The following TMEM95 variants were observed in gnomAD, a reference collection of about 807,000 sequenced individuals.
TMEM95 encodes the protein sperm-egg fusion protein TMEM95.
Under a neutral mutation model 27.7 loss-of-function variants are expected in TMEM95, and 21 were observed. That is an observed-to-expected ratio of 0.76 (90% confidence interval 0.54 to 1.09). The LOEUF (loss-of-function observed/expected upper bound fraction) is 1.09, where lower values mean the gene tolerates loss of function less well. Among genes scored for constraint, TMEM95 ranks in the 50% least tolerant of loss-of-function variants. TMEM95 has a pLI of 0.00. For synonymous variants in TMEM95, 77 were observed against 85.7 expected, an observed-to-expected ratio of 0.90 and a Z score of 0.56; for missense variants, 203 against 217.9, an observed-to-expected ratio of 0.93 and a Z score of 0.43.
Position 7,355,423 on chromosome 17 carries a change from C to A in TMEM95, c.169+50C>A, listed in dbSNP as rs780153689. On this transcript the variant is annotated intron_variant, in intron 1 of 6. Transcript: ENST00000576060. The surrounding 1 kb of genome is among the most constrained non-coding windows in gnomAD (Gnocchi z 4.9). ...GCCCAGCAAGCACTCACCCCCCTACCCCCAGAGGGTGGCATGTGACCTTCC... is the reference window on the plus strand; with the variant it reads ...GCCCAGCAAGCACTCACCCCCCTACACCCAGAGGGTGGCATGTGACCTTCC... The A allele has an allele frequency of 1.3e-6, 2 of 1,581,942 alleles. No homozygotes were observed. Among genetic ancestry groups the A allele is most frequent in the Non-Finnish European group, 1.7e-6 (2 of 1,160,992 alleles).
rs772613190 is a variant in TMEM95, at chr17:7,355,923, C to G, written c.307+5C>G. The G allele has an allele frequency of 1.9e-6, 3 of 1,613,900 alleles. No homozygotes were observed. Among genetic ancestry groups the G allele is most frequent in the African/African-American group, 2.7e-5 (2 of 74,882 alleles). ...TCCCTGAGTACACCAGGGAAGGTACCGATGCGGGATGGGCCTCAAGGGGAG... is the reference window on the plus strand; with the variant it reads ...TCCCTGAGTACACCAGGGAAGGTACGGATGCGGGATGGGCCTCAAGGGGAG... On this transcript the variant is annotated splice_donor_5th_base_variant and intron_variant, in intron 3 of 6. Transcript: ENST00000576060. This position sits in a 1 kb window ranked among gnomAD's most constrained non-coding sequence, Gnocchi z 4.9.
Position 7,356,066 on chromosome 17 carries a change from A to AG in TMEM95, c.328+21dup. The AG allele has an allele frequency of 6.2e-7, 1 of 1,613,986 alleles. No individual in the cohort carries two copies. Among genetic ancestry groups the AG allele is most frequent in the Non-Finnish European group, 8.5e-7 (1 of 1,179,922 alleles). On this transcript the variant is annotated intron_variant, in intron 4 of 6. Transcript: ENST00000576060. ...CCGCCTGCCGTGAGTAGGAAAGGAAAGGGGTAGCAAGGACCTGGGGCCTGC... is the reference window on the plus strand; with the variant it reads ...CCGCCTGCCGTGAGTAGGAAAGGAAAGGGGGTAGCAAGGACCTGGGGCCTGC...
In TMEM95 at chr17:7,356,549, T is replaced by A. The variant is rs370757541; in HGVS notation, c.498-50T>A. On this transcript the variant is annotated intron_variant, in intron 6 of 6. Transcript: ENST00000576060. ...TTCCACCACCCATCCTCCCTCCCTCTGTCCCTCCCAGGCCCCTCCCGTAGG... is the reference window on the plus strand; with the variant it reads ...TTCCACCACCCATCCTCCCTCCCTCAGTCCCTCCCAGGCCCCTCCCGTAGG... The A allele has an allele frequency of 2.5e-6, 4 of 1,611,234 alleles. No homozygotes were observed. In the African/African-American group the frequency reaches 5.3e-5, roughly 22 times the overall value.
Position 7,355,426 on chromosome 17 carries a change from C to G in TMEM95, c.169+53C>G. The G allele has an allele frequency of 6.3e-7, 1 of 1,579,014 alleles. No homozygotes were observed. Among genetic ancestry groups the G allele is most frequent in the Non-Finnish European group, 8.6e-7 (1 of 1,159,620 alleles). On this transcript the variant is annotated intron_variant, in intron 1 of 6. Transcript: ENST00000576060. The surrounding 1 kb of genome is among the most constrained non-coding windows in gnomAD (Gnocchi z 4.9). ...CAGCAAGCACTCACCCCCCTACCCC[C>G]AGAGGGTGGCATGTGACCTTCCAGC... is the stretch of plus-strand genomic sequence containing the variant.
chr17:7,356,975 A>C lies in TMEM95; in HGVS notation c.*343A>C. ...GAATCCCCTACGCCACTCCCACCAC[A>C]CCCACACCCCCTTCTGCCTGTTCCG... On this transcript the variant is annotated 3_prime_UTR_variant, in exon 7 of 7. Transcript: ENST00000576060. 5.4e-6 allele frequency: 2 copies of C among 369,606 alleles called. No individual in the cohort carries two copies. Among genetic ancestry groups the C allele is most frequent in the Non-Finnish European group, 9.7e-6 (2 of 205,692 alleles). 22.9% of individuals were successfully genotyped at this position (369,606 alleles called of 1,614,324 possible).
At position 7,357,042 on chromosome 17, in the gene TMEM95, C is replaced by T; in HGVS notation, c.*410C>T. The T allele has an allele frequency of 4.0e-6, 1 of 247,386 alleles. No homozygotes were observed. Among genetic ancestry groups the T allele is most frequent in the Non-Finnish European group, 7.8e-6 (1 of 129,012 alleles). 15.3% of individuals were successfully genotyped at this position (247,386 alleles called of 1,614,324 possible). A position where few individuals can be genotyped will look rare whatever the true frequency, so the allele number is the denominator to read the frequency against. On this transcript the variant is annotated 3_prime_UTR_variant, in exon 7 of 7. Coordinates refer to ENST00000576060, the MANE Select transcript of TMEM95 (RefSeq NM_001320436.2). ...TGCCCCAGAAGCTATTCCAGGCCCT[C>T]CTATGACTGATGGGGAATCCGGGAA... is the stretch of plus-strand genomic sequence containing the variant.
chr17:7,355,924 G>T lies in TMEM95; in HGVS notation c.307+6G>T, dbSNP rs780572945. The stretch of plus-strand genomic sequence containing the variant: ...CCCTGAGTACACCAGGGAAGGTACC[G>T]ATGCGGGATGGGCCTCAAGGGGAGC... On this transcript the variant is annotated splice_donor_region_variant and intron_variant, in intron 3 of 6. Transcript: ENST00000576060. This position sits in a 1 kb window ranked among gnomAD's most constrained non-coding sequence, Gnocchi z 4.9. The T allele has an allele frequency of 6.2e-7, 1 of 1,613,940 alleles. No individual in the cohort carries two copies. Among genetic ancestry groups the T allele is most frequent in the Non-Finnish European group, 8.5e-7 (1 of 1,179,928 alleles).
chr17:7,356,661 T>C lies in TMEM95; in HGVS notation c.*29T>C, dbSNP rs1219064968. On this transcript the variant is annotated 3_prime_UTR_variant, in exon 7 of 7. Transcript: ENST00000576060. Reference sequence around the variant, plus strand: ...CGCTGAAAACCTCCCAGCCTCCAGCTCTAAGGGGTATGCACTCACAACTTC... The same window carrying C: ...CGCTGAAAACCTCCCAGCCTCCAGCCCTAAGGGGTATGCACTCACAACTTC... 6.2e-7 allele frequency: 1 copy of C among 1,611,436 alleles called. No individual in the cohort carries two copies. The highest frequency in any genetic ancestry group is 8.5e-7 in the Non-Finnish European group (1 of 1,178,780).
chr17:7,355,165 C>T lies in TMEM95; in HGVS notation c.-40C>T, dbSNP rs1487641863. ...GCCAGGGCTGCAGAGCATTCCTCGG[C>T]TCAGCTGGGGCAGCGCCGCCCCATC... On this transcript the variant is annotated 5_prime_UTR_variant, in exon 1 of 7. Transcript: ENST00000576060. This position sits in a 1 kb window ranked among gnomAD's most constrained non-coding sequence, Gnocchi z 4.9. 2 of 1,592,326 alleles carry T rather than the reference C, an allele frequency of 1.3e-6. No homozygotes were observed. Among genetic ancestry groups the T allele is most frequent in the Non-Finnish European group, 8.5e-7 (1 of 1,171,008 alleles).
At position 7,355,293 on chromosome 17, in the gene TMEM95, G is replaced by T. The variant is rs139619873; in HGVS notation, c.89G>T (p.Arg30Leu). Residue 30 changes from arginine (R) to leucine (L), a missense_variant, in exon 1 of 7, where the codon CGC becomes CTC. Physicochemically the swap from Arg to Leu is moderately radical, Grantham distance 102. Transcript: ENST00000576060. This position sits in a 1 kb window ranked among gnomAD's most constrained non-coding sequence, Gnocchi z 4.9. The stretch of plus-strand genomic sequence containing the variant: ...CTCCCAGCCCACGACTTGTCAGGCC[G>T]CCTGGCTCGGCTCTGCAGCCAGATG... ...CRLPAHDLSG[R>L]LARLCSQMEA... 10 of 1,613,948 alleles carry T rather than the reference G, an allele frequency of 6.2e-6. No individual in the cohort carries two copies. The highest frequency in any genetic ancestry group is 3.3e-4 in the Middle Eastern group (2 of 6,084).
Position 7,356,435 on chromosome 17 carries a change from C to T in TMEM95, c.453C>T (p.Ile151=), listed in dbSNP as rs754827771. ...AAGCCAAGATTCTGCTCCTCTCCAT[C>T]TTCGGAGCTTTCCTGCTTCTGGGTG... ...LWEAKILLLS[I]FGAFLLLGVL... Residue 151 remains isoleucine (I), a synonymous_variant, in exon 6 of 7, where the codon ATC becomes ATT. Transcript: ENST00000576060. 2 of 1,614,004 alleles carry T rather than the reference C, an allele frequency of 1.2e-6. No individual in the cohort carries two copies. The highest frequency in any genetic ancestry group is 2.2e-5 in the South Asian group (2 of 91,088).
rs763877038 is a variant in TMEM95, at chr17:7,355,415, C to T, written c.169+42C>T. 1.3e-5 allele frequency: 21 copies of T among 1,586,660 alleles called. 1 individual carries two copies. In the South Asian group the frequency reaches 1.9e-4, roughly 15 times the overall value. ...AGGGATGGGCCCAGCAAGCACTCACCCCCCTACCCCCAGAGGGTGGCATGT... is the reference window on the plus strand; with the variant it reads ...AGGGATGGGCCCAGCAAGCACTCACTCCCCTACCCCCAGAGGGTGGCATGT... On this transcript the variant is annotated intron_variant, in intron 1 of 6. Coordinates refer to ENST00000576060, the MANE Select transcript of TMEM95 (RefSeq NM_001320436.2). This position sits in a 1 kb window ranked among gnomAD's most constrained non-coding sequence, Gnocchi z 4.9.
At position 7,355,400 on chromosome 17, in the gene TMEM95, C is replaced by T. The variant is rs375191829; in HGVS notation, c.169+27C>T. ...TAGGACCAGACATCCAGGGATGGGCCCAGCAAGCACTCACCCCCCTACCCC... is the reference window on the plus strand; with the variant it reads ...TAGGACCAGACATCCAGGGATGGGCTCAGCAAGCACTCACCCCCCTACCCC... On this transcript the variant is annotated intron_variant, in intron 1 of 6. Coordinates refer to ENST00000576060, the MANE Select transcript of TMEM95 (RefSeq NM_001320436.2). This position sits in a 1 kb window ranked among gnomAD's most constrained non-coding sequence, Gnocchi z 4.9. 2.5e-6 allele frequency: 4 copies of T among 1,596,372 alleles called. No individual in the cohort carries two copies. The African/African-American group carries it at 5.4e-5, about 21-fold the overall frequency.
In TMEM95 at chr17:7,355,612, G is replaced by A. The variant is rs1374418577; in HGVS notation, c.196G>A (p.Glu66Lys). 6.4e-7 allele frequency: 1 copy of A among 1,557,772 alleles called. No homozygotes were observed. ...LDEVSMNKVT[E>K]KTHRVLRVME... is the part of the protein sequence containing the mutation. ...TGAGGTGTCCATGAACAAAGTCACA[G>A]AGAAGACTCACAGAGTCCTGAGGGT... Residue 66 changes from glutamate (E) to lysine (K), a missense_variant, in exon 2 of 7, where the codon GAG (glutamate) becomes AAG (lysine). Glu to Lys is a moderately conservative substitution (Grantham distance 56, BLOSUM62 1). Coordinates refer to ENST00000576060, the MANE Select transcript of TMEM95 (RefSeq NM_001320436.2). The surrounding 1 kb of genome is among the most constrained non-coding windows in gnomAD (Gnocchi z 4.9).
Position 7,356,599 on chromosome 17 carries a change from G to A in TMEM95, c.498G>A (p.Glu166=), listed in dbSNP as rs773868554. The A allele has an allele frequency of 1.2e-6, 2 of 1,611,230 alleles. No individual in the cohort carries two copies. Among genetic ancestry groups the A allele is most frequent in the Admixed American group, 1.7e-5 (1 of 59,756 alleles). ...LLLGVLSLLV[E]SHHLQAKSGL ...GCTTCCCACCCTCGTCTTCCCTCAG[G>A]TCCCACCACCTCCAAGCAAAAAGTG... Residue 166 remains glutamate, a splice_region_variant and synonymous_variant, in exon 7 of 7, where the codon GAG becomes GAA. Coordinates refer to ENST00000576060, the MANE Select transcript of TMEM95 (RefSeq NM_001320436.2).
chr17:7,356,527 C>T (rs2073508699), intron 6 of TMEM95, 48 bp downstream of exon 6: 1 of 1,612,022 alleles, frequency 6.2e-7, no homozygotes, highest in Non-Finnish European at 8.5e-7. Flanking sequence ...CAGTGCCTTC[C>T]ACCACCCATC....
In TMEM95 at chr17:7,355,697, G is replaced by A; in HGVS notation, c.226+55G>A. The stretch of plus-strand genomic sequence containing the variant: ...GGCTTGGGAGGATACCAAGGAGAGG[G>A]ACGGGTGACAGGGGTTGGGGTGGGC... On this transcript the variant is annotated intron_variant, in intron 2 of 6. Coordinates refer to ENST00000576060, the MANE Select transcript of TMEM95 (RefSeq NM_001320436.2). The surrounding 1 kb of genome is among the most constrained non-coding windows in gnomAD (Gnocchi z 4.9). 7.3e-7 allele frequency: 1 copy of A among 1,363,132 alleles called. No individual in the cohort carries two copies. Among genetic ancestry groups the A allele is most frequent in the Non-Finnish European group, 1.0e-6 (1 of 963,224 alleles). 84.4% of individuals were successfully genotyped at this position (1,363,132 alleles called of 1,614,324 possible). A position where few individuals can be genotyped will look rare whatever the true frequency, so the allele number is the denominator to read the frequency against.
chr17:7,355,782 G>A lies in TMEM95; in HGVS notation c.227-56G>A. The stretch of plus-strand genomic sequence containing the variant: ...ATCAGGGAGGGGCTGCGTGAAGAGA[G>A]GGGGAACTGGCCCCGTCGAGGCCCA... On this transcript the variant is annotated intron_variant, in intron 2 of 6. Coordinates refer to ENST00000576060, the MANE Select transcript of TMEM95 (RefSeq NM_001320436.2). The surrounding 1 kb of genome is among the most constrained non-coding windows in gnomAD (Gnocchi z 4.9). 6.3e-7 allele frequency: 1 copy of A among 1,588,734 alleles called. No homozygotes were observed. The highest frequency in any genetic ancestry group is 8.6e-7 in the Non-Finnish European group (1 of 1,157,690).
rs578035767 is a variant in TMEM95, at chr17:7,355,706, CAG to C, written c.226+65_226+66del. 300 of 1,328,628 alleles carry C rather than the reference CAG, an allele frequency of 2.3e-4. No individual in the cohort carries two copies. In the African/African-American group the frequency reaches 4.4e-3, roughly 20 times the overall value. 82.3% of individuals were successfully genotyped at this position (1,328,628 alleles called of 1,614,324 possible). On this transcript the variant is annotated intron_variant, in intron 2 of 6. Coordinates refer to ENST00000576060, the MANE Select transcript of TMEM95 (RefSeq NM_001320436.2). This position sits in a 1 kb window ranked among gnomAD's most constrained non-coding sequence, Gnocchi z 4.9. ...GGATACCAAGGAGAGGGACGGGTGACAGGGGTTGGGGTGGGCAGGGAAGGGTG... is the reference window on the plus strand; with the variant it reads ...GGATACCAAGGAGAGGGACGGGTGACGGGTTGGGGTGGGCAGGGAAGGGTG...
Sources: gnomAD v4.1 joint callset for allele counts on GRCh38, gnomAD v4.1.1 for gene constraint, Gnocchi (gnomAD v3.1) non-coding constraint, MANE v1.5 for transcripts, NCBI Gene and HGNC (gene_info 2026-07-23, HGNC 2026-07-21) for gene names.